Variants in NKAIN3 observed in about 807,000 individuals in gnomAD.
NKAIN3 encodes the protein sodium/potassium transporting ATPase interacting 3, also known as sodium/potassium-transporting ATPase subunit beta-1-interacting protein 3.
NKAIN3 carries 25 observed loss-of-function variants against 30.2 expected under a neutral mutation model. The ratio of observed to expected loss-of-function variants is 0.83; its 90% confidence interval spans 0.60 to 1.16. NKAIN3 has a LOEUF of 1.16. NKAIN3 is among the 50% of genes most tolerant of loss of function. The probability of loss-of-function intolerance (pLI) is 0.00; values close to 1 mark genes in which losing one functional copy is unlikely to be tolerated. For synonymous variants in NKAIN3, 91 were observed against 89.6 expected, an observed-to-expected ratio of 1.02 and a Z score of -0.09; for missense variants, 225 against 254.1, an observed-to-expected ratio of 0.89 and a Z score of 0.78.
At chr8:62,823,668 C>A (rs1249894821) in intron 4 of NKAIN3, among the ~76,000 whole-genome samples, 1 of 152,278 alleles carries the variant, frequency 6.6e-6, no homozygotes, top group African/African-American at 2.4e-5. Flanking sequence ...TTCTGTTATG[C>A]AGCTCAAGTG....
chr8:62,817,367 A>G (rs1818717127), intron 4 of NKAIN3, among the ~76,000 whole-genome samples: 1 of 152,096 alleles, frequency 6.6e-6, no homozygotes, highest in Non-Finnish European at 1.5e-5. Context: ...AACTTTCCAT[A>G]TATTTTCAAA....
chr8:62,345,327 A>G (rs1252742601), intron 1 of NKAIN3, among the ~76,000 whole-genome samples: 3 of 24,562 alleles, frequency 1.2e-4, no homozygotes, highest in Non-Finnish European at 6.1e-4. Flanking sequence ...ACATATATAC[A>G]CATATATGTA....
At chr8:62,368,552 T>C (rs1046612136) in intron 1 of NKAIN3, among the ~76,000 whole-genome samples, 1 of 9,082 alleles carries the variant, frequency 1.1e-4, no homozygotes, top group Non-Finnish European at 4.5e-4. Context: ...CCACCACAAA[T>C]ACAGCTAGCT....
chr8:62,996,409 G>A (rs902336878), intron 5 of NKAIN3, among the ~76,000 whole-genome samples: 1 of 151,974 alleles, frequency 6.6e-6, no homozygotes, highest in African/African-American at 2.4e-5. Flanking sequence ...TCCCTCCCTC[G>A]ACACTTGGGG....
intron 1 of NKAIN3, among the ~76,000 whole-genome samples, chr8:62,423,481 T>C (rs1804710869): frequency 6.6e-6 from 1 of 150,748 alleles, no homozygotes; most frequent in Non-Finnish European, 1.5e-5. Flanking sequence ...AACATATACA[T>C]ACACACACAC....
At chr8:62,394,436 G>A (rs955631686) in intron 1 of NKAIN3, among the ~76,000 whole-genome samples, 2 of 150,322 alleles carry the variant, frequency 1.3e-5, no homozygotes, top group African/African-American at 2.4e-5. Flanking sequence ...AATTACATTT[G>A]TTCTTGGTGA....
intron 1 of NKAIN3, among the ~76,000 whole-genome samples, chr8:62,404,839 C>T (rs1804011673): frequency 6.6e-6 from 1 of 152,012 alleles, no homozygotes; most frequent in South Asian, 2.1e-4. Context: ...TTCCCATGGC[C>T]ACCATAGCTG....
intron 4 of NKAIN3, among the ~76,000 whole-genome samples, chr8:62,776,977 C>G (rs1399973160): frequency 6.6e-6 from 1 of 152,126 alleles, no homozygotes; most frequent in Non-Finnish European, 1.5e-5. Flanking sequence ...TGGATATACT[C>G]TTCTATGGTG....
At chr8:62,861,044 A>G in intron 4 of NKAIN3, among the ~76,000 whole-genome samples, 1 of 152,202 alleles carries the variant, frequency 6.6e-6, no homozygotes, top group East Asian at 1.9e-4. Context: ...GTGGCTGCCT[A>G]GCTAGATATT....
intron 1 of NKAIN3, among the ~76,000 whole-genome samples, chr8:62,494,555 C>T (rs1807176130): frequency 6.6e-6 from 1 of 152,130 alleles, no homozygotes; most frequent in African/African-American, 2.4e-5. Flanking sequence ...GGAGGAGTCA[C>T]TCTCCTCAAT....
At chr8:62,746,465 A>C (rs555801658) in intron 3 of NKAIN3, among the ~76,000 whole-genome samples, 1 of 152,324 alleles carries the variant, frequency 6.6e-6, no homozygotes, top group East Asian at 1.9e-4. Context: ...GCCTGCTATA[A>C]ATTAGCTTGA....
intron 6 of NKAIN3, among the ~76,000 whole-genome samples, chr8:62,964,720 AT>A (rs1404171855): frequency 6.6e-6 from 1 of 151,974 alleles, no homozygotes; most frequent in African/African-American, 2.4e-5. Flanking sequence ...CCTTATACCG[AT>A]TGCATGAGGC....
intron 4 of NKAIN3, among the ~76,000 whole-genome samples, chr8:62,828,956 G>A (rs1337385315): frequency 2.0e-5 from 3 of 152,168 alleles, no homozygotes; most frequent in Admixed American, 2.0e-4. Flanking sequence ...CTGCAAGGAT[G>A]GAGATGAGAC....
intron 4 of NKAIN3, among the ~76,000 whole-genome samples, chr8:62,810,350 G>A (rs1818448457): frequency 6.6e-6 from 1 of 152,080 alleles, no homozygotes; most frequent in African/African-American, 2.4e-5. Flanking sequence ...ATTTGGAGGA[G>A]TAGGTCATTT....
intron 1 of NKAIN3, among the ~76,000 whole-genome samples, chr8:62,382,437 C>T (rs1410243531): frequency 6.6e-6 from 1 of 152,000 alleles, no homozygotes; most frequent in Non-Finnish European, 1.5e-5. Flanking sequence ...TAGAGGCAGG[C>T]ATAATTTTAC....
At chr8:62,908,621 G>GT (rs1022027947) in intron 4 of NKAIN3, among the ~76,000 whole-genome samples, 1 of 152,086 alleles carries the variant, frequency 6.6e-6, no homozygotes, top group Non-Finnish European at 1.5e-5. Context: ...ATATCTGATG[G>GT]TTTTATAAAG....
At chr8:62,715,342 T>TA (rs1487889348) in intron 3 of NKAIN3, among the ~76,000 whole-genome samples, 4 of 152,144 alleles carry the variant, frequency 2.6e-5, no homozygotes, top group African/African-American at 7.2e-5. Flanking sequence ...GATAATGTCA[T>TA]AAAAAACCTA....
rs533161477 is a variant in NKAIN3, at chr8:62,972,046, T to C, written c.*6639T>C. The stretch of plus-strand genomic sequence containing the variant: ...TTGTGCTGCCACAATAAATTAATTC[T>C]TCTATGGTCATAACACTTGGCTATT... On this transcript the variant is annotated 3_prime_UTR_variant, in exon 7 of 7. Transcript: ENST00000623646. Among the ~76,000 whole-genome samples, 12 of 152,350 alleles carry C rather than the reference T, an allele frequency of 7.9e-5. No homozygotes were observed. The East Asian group carries it at 1.9e-3, about 24-fold the overall frequency.
chr8:62,534,960 C>A (rs1481085046), intron 1 of NKAIN3, among the ~76,000 whole-genome samples: 1 of 150,444 alleles, frequency 6.6e-6, no homozygotes, highest in Non-Finnish European at 1.5e-5. Context: ...CACAACTAGA[C>A]AAATAACTCT....
Sources: allele counts gnomAD v4.1 joint callset (sites outside exome capture counted in the v4.1 genomes callset), GRCh38; gene constraint gnomAD v4.1.1; transcripts MANE v1.5; gene names NCBI Gene and HGNC (gene_info 2026-07-23, HGNC 2026-07-21).